Variants in MAMDC2 observed in about 807,000 individuals in gnomAD.
MAMDC2 encodes the protein MAM domain-containing protein 2.
MAMDC2 carries 57 observed loss-of-function variants against 89.8 expected under a neutral mutation model. The observed-to-expected ratio is 0.63, with a 90% CI of 0.51 to 0.79. The LOEUF is 0.79. Among genes scored for constraint, MAMDC2 ranks in the 30% least tolerant of loss-of-function variants. The pLI is 0.00. For missense variants in MAMDC2, 800 were observed against 820.6 expected (o/e 0.97, Z 0.31); for synonymous variants, 313 against 293.4 (o/e 1.07, Z -0.68).
At chr9:70,102,348 G>A (rs1828218584) in intron 2 of MAMDC2, among the ~76,000 whole-genome samples, 1 of 152,142 alleles carries the variant, frequency 6.6e-6, no homozygotes, top group African/African-American at 2.4e-5. Context: ...GAAGGACGGG[G>A]CATTCGGCAT....
At chr9:70,135,834 C>T (rs532503677) in intron 7 of MAMDC2, among the ~76,000 whole-genome samples, 80 of 152,204 alleles carry the variant, frequency 5.3e-4, no homozygotes, top group African/African-American at 1.9e-3. Flanking sequence ...TAGTATCATA[C>T]ATTTTCATTG....
intron 9 of MAMDC2, among the ~76,000 whole-genome samples, chr9:70,166,316 TAC>T (rs762540166): frequency 1.4e-5 from 2 of 143,602 alleles, no homozygotes; most frequent in African/African-American, 5.2e-5. Flanking sequence ...TATATATATA[TAC>T]ATACACATAT....
intron 5 of MAMDC2, 68 bp downstream of exon 5, chr9:70,113,200 C>G: frequency 6.4e-7 from 1 of 1,554,896 alleles, no homozygotes. Flanking sequence ...CCACTTCCTG[C>G]ACTGACCTAG....
intron 7 of MAMDC2, among the ~76,000 whole-genome samples, chr9:70,136,142 C>T (rs896976998): frequency 6.6e-6 from 1 of 152,128 alleles, no homozygotes; most frequent in Non-Finnish European, 1.5e-5. Context: ...CAAAGTGGGA[C>T]CCTTTCTCAA....
intron 10 of MAMDC2, 114 bp from the exon 11 acceptor site, chr9:70,170,359 GCTGCCT>G (rs2032298578): frequency 8.6e-7 from 1 of 1,156,554 alleles, no homozygotes; most frequent in African/African-American, 1.6e-5. Flanking sequence ...ACCAGTGGGG[GCTGCCT>G]CTCCATCGCA....
chr9:70,124,437 AAAG>A (rs1398105044), intron 5 of MAMDC2, among the ~76,000 whole-genome samples: 2 of 152,294 alleles, frequency 1.3e-5, no homozygotes, highest in South Asian at 2.1e-4. Flanking sequence ...AACTATATTC[AAAG>A]AAGATTATTC....
intron 5 of MAMDC2, among the ~76,000 whole-genome samples, chr9:70,115,502 C>T (rs138882579): frequency 1.3e-5 from 2 of 152,152 alleles, no homozygotes; most frequent in Non-Finnish European, 2.9e-5. Flanking sequence ...ATTACAGACA[C>T]CCACCACTTT....
At chr9:70,099,980 A>AAGGGAG (rs1828126567) in intron 2 of MAMDC2, among the ~76,000 whole-genome samples, 1 of 115,562 alleles carries the variant, frequency 8.7e-6, no homozygotes, top group Non-Finnish European at 1.7e-5. Context: ...GCCAAAAAGA[A>AAGGGAG]AGAGAGAGAG....
rs553245465 is a variant in MAMDC2 at position 70,217,196 on chromosome 9, C to T, written c.1652-1141C>T. The stretch of plus-strand genomic sequence containing the variant: ...TTCTCTTCCCGTGGAGCCGTCGCCA[C>T]GAAGGTCGAGCTGTGCAGTTTTAGT... On this transcript the variant is annotated intron_variant, in intron 11 of 13. Transcript: ENST00000377182. The T allele has an allele frequency of 2.6e-4, 192 of 733,420 alleles. 1 individual carries two copies. Among genetic ancestry groups the T allele is most frequent in the Non-Finnish European group, 4.3e-4 (173 of 401,234 alleles). 45.4% of individuals were successfully genotyped at this position (733,420 alleles called of 1,614,324 possible). A position where few individuals can be genotyped will look rare whatever the true frequency, so the allele number is the denominator to read the frequency against.
chr9:70,150,948 C>T (rs985241470), intron 9 of MAMDC2, among the ~76,000 whole-genome samples: 4 of 152,180 alleles, frequency 2.6e-5, no homozygotes, highest in Non-Finnish European at 5.9e-5. Flanking sequence ...CAGAATAAAG[C>T]TTCATCCCAT....
intron 4 of MAMDC2, among the ~76,000 whole-genome samples, chr9:70,110,250 G>T (rs1034312649): frequency 6.6e-6 from 1 of 152,180 alleles, no homozygotes; most frequent in Non-Finnish European, 1.5e-5. Context: ...AGCAGAGTTG[G>T]TTGGCTGTCT....
rs59725916 is a variant in MAMDC2, at chr9:70,143,850, T to C, written c.1404+31T>C. ...GCAGAGCCAATTTCTCCTGTGTCCATGTTCAGTTGCTGGACTAGTTTTGTG... is the reference window on the plus strand; with the variant it reads ...GCAGAGCCAATTTCTCCTGTGTCCACGTTCAGTTGCTGGACTAGTTTTGTG... On this transcript the variant is annotated intron_variant, in intron 9 of 13. Transcript: ENST00000377182. 3,118 of 1,604,478 alleles carry C rather than the reference T, an allele frequency of 1.9e-3. 52 individuals carry two copies. The African/African-American group carries it at 0.036, about 19-fold the overall frequency.
intron 2 of MAMDC2, among the ~76,000 whole-genome samples, chr9:70,096,898 C>T (rs1488024972): frequency 6.6e-6 from 1 of 152,088 alleles, no homozygotes; most frequent in Non-Finnish European, 1.5e-5. Context: ...TGCTGCCATG[C>T]GATTTTATAA....
intron 11 of MAMDC2, among the ~76,000 whole-genome samples, chr9:70,203,157 T>C (rs1312873958): frequency 6.6e-6 from 1 of 151,298 alleles, no homozygotes; most frequent in Non-Finnish European, 1.5e-5. Context: ...GTCTTGATGG[T>C]CTTTACATTT....
intron 9 of MAMDC2, among the ~76,000 whole-genome samples, chr9:70,168,178 T>A (rs926161747): frequency 6.6e-6 from 1 of 152,224 alleles, no homozygotes; most frequent in African/African-American, 2.4e-5. Context: ...AATATATCGT[T>A]ATATTCTGCT....
intron 10 of MAMDC2, among the ~76,000 whole-genome samples, 195 bp downstream of exon 10, chr9:70,168,990 G>A (rs2032251661): frequency 6.6e-6 from 1 of 152,164 alleles, no homozygotes; most frequent in African/African-American, 2.4e-5. Context: ...CTTTGTACAT[G>A]TGACTTAACC....
chr9:70,173,090 TTCTC>T (rs1290900427), intron 11 of MAMDC2, among the ~76,000 whole-genome samples: 1 of 152,158 alleles, frequency 6.6e-6, no homozygotes, highest in Non-Finnish European at 1.5e-5. Flanking sequence ...CTCTCTCTCT[TTCTC>T]TTTCTACCTC....
intron 11 of MAMDC2, among the ~76,000 whole-genome samples, chr9:70,193,600 C>T (rs2032925358): frequency 1.2e-5 from 1 of 84,478 alleles, no homozygotes; most frequent in South Asian, 5.5e-4. Flanking sequence ...TTCTGTGTCT[C>T]CTTTTCATAT....
rs529627117 is a variant in MAMDC2 at position 70,210,520 on chromosome 9, T to G, written c.1652-7817T>G. On this transcript the variant is annotated intron_variant, in intron 11 of 13. Transcript: ENST00000377182. ...CCTCCATCCCTTTATTTTGAGCCTA[T>G]GTGTGTCTTTGCATGTGAGATGGGT... 7.2e-5 allele frequency among the ~76,000 whole-genome samples: 11 copies of G among 152,314 alleles called. No homozygotes were observed. In the East Asian group the frequency reaches 1.5e-3, roughly 21 times the overall value.
Sources: allele counts gnomAD v4.1 joint callset (sites outside exome capture counted in the v4.1 genomes callset), GRCh38; gene constraint gnomAD v4.1.1; transcripts MANE v1.5; gene names NCBI Gene and HGNC (gene_info 2026-07-23, HGNC 2026-07-21).